The following AFF3 variants were observed in gnomAD, a reference collection of about 807,000 sequenced individuals.
The protein encoded by AFF3 is ALF transcription elongation factor 3.
In AFF3, 32 loss-of-function variants were observed where a neutral mutation model predicts 129.7. That is an observed-to-expected ratio of 0.25 (90% CI 0.19 to 0.33). The LOEUF is 0.33. Among genes scored for constraint, AFF3 ranks in the 10% least tolerant of loss-of-function variants. AFF3 has a pLI of 1.00. For synonymous variants in AFF3, 644 were observed against 635.4 expected (o/e 1.01, Z -0.20); for missense variants, 1,373 against 1,592.0 (o/e 0.86, Z 2.34).
At chr2:100,034,140 T>C (rs1684727697) in intron 4 of AFF3, among the ~76,000 whole-genome samples, 1 of 152,210 alleles carries the variant, frequency 6.6e-6, no homozygotes, top group Non-Finnish European at 1.5e-5. Context: ...GACAAAAGGA[T>C]TGCTCTATTT....
chr2:99,551,144 TGA>T lies in AFF3; in HGVS notation c.*328_*329del, dbSNP rs1233846787. 9.1e-6 allele frequency: 4 copies of T among 439,040 alleles called. No homozygotes were observed. Among genetic ancestry groups the T allele is most frequent in the East Asian group, 3.1e-5 (1 of 32,424 alleles). 27.2% of individuals were successfully genotyped at this position (439,040 alleles called of 1,614,324 possible). On this transcript the variant is annotated 3_prime_UTR_variant, in exon 25 of 25. Transcript: ENST00000672756. ...GAAAGTGTGTGTCTGTGATTGTGTG[TGA>T]GTGTACGGTGTGTGTGTGTGTGTGT...
intron 17 of AFF3, among the ~76,000 whole-genome samples, chr2:99,579,301 A>G (rs995752322): frequency 1.3e-5 from 2 of 151,988 alleles, no homozygotes; most frequent in Non-Finnish European, 2.9e-5. Flanking sequence ...GCTACTCGGG[A>G]GGCTGAGGCA....
At chr2:99,658,446 G>A (rs1558710079) in intron 12 of AFF3, among the ~76,000 whole-genome samples, 1 of 152,072 alleles carries the variant, frequency 6.6e-6, no homozygotes, top group African/African-American at 2.4e-5. Flanking sequence ...CCAGATTCTC[G>A]GGGCAACTCA....
chr2:99,577,602 G>A (rs758964984), intron 18 of AFF3, among the ~76,000 whole-genome samples: 5 of 152,238 alleles, frequency 3.3e-5, no homozygotes, highest in South Asian at 2.1e-4. Flanking sequence ...TTTGACGCCC[G>A]TAGGACTGCT....
chr2:99,996,279 C>T (rs1398286962), intron 7 of AFF3, among the ~76,000 whole-genome samples: 1 of 151,990 alleles, frequency 6.6e-6, no homozygotes, highest in Non-Finnish European at 1.5e-5. Context: ...AGCTTTAATC[C>T]CAATTTAATC....
intron 7 of AFF3, among the ~76,000 whole-genome samples, chr2:99,920,022 T>C (rs1057510646): frequency 2.0e-5 from 3 of 152,050 alleles, no homozygotes; most frequent in Admixed American, 6.6e-5. Context: ...CACAGAAAGA[T>C]ATAGAAAATC....
intron 10 of AFF3, among the ~76,000 whole-genome samples, chr2:99,740,127 A>G (rs1264442157): frequency 1.3e-5 from 2 of 151,524 alleles, no homozygotes; most frequent in Admixed American, 1.3e-4. Flanking sequence ...CTATGTCCCT[A>G]CAAAGGACGT....
chr2:99,686,776 G>C (rs1487107814), intron 11 of AFF3, among the ~76,000 whole-genome samples: 4 of 152,162 alleles, frequency 2.6e-5, no homozygotes, highest in Non-Finnish European at 5.9e-5. Context: ...TCCTGACTGA[G>C]AACCCTGGTG....
At chr2:99,556,513 C>G (rs918028551) in intron 22 of AFF3, among the ~76,000 whole-genome samples, 5 of 152,172 alleles carry the variant, frequency 3.3e-5, no homozygotes, top group Admixed American at 3.3e-4. Flanking sequence ...CAAGAAATAC[C>G]GGTAGGAACA....
intron 4 of AFF3, among the ~76,000 whole-genome samples, chr2:100,094,555 C>T (rs1387940978): frequency 1.3e-5 from 2 of 151,936 alleles, no homozygotes; most frequent in African/African-American, 4.8e-5. Flanking sequence ...TCGCCATCCA[C>T]TCACCTCCCA....
intron 11 of AFF3, among the ~76,000 whole-genome samples, chr2:99,677,141 G>A (rs1205909208): frequency 6.6e-6 from 1 of 151,746 alleles, no homozygotes; most frequent in Non-Finnish European, 1.5e-5. Context: ...ATGGTGGTAT[G>A]GACCTGTAAA....
At chr2:99,786,161 G>C (rs1684775002) in intron 8 of AFF3, among the ~76,000 whole-genome samples, 1 of 152,230 alleles carries the variant, frequency 6.6e-6, no homozygotes. Context: ...GGATGGTAGG[G>C]AGATGAAGGG....
chr2:99,965,122 A>G (rs961786409), intron 7 of AFF3, among the ~76,000 whole-genome samples: 8 of 152,248 alleles, frequency 5.3e-5, no homozygotes, highest in African/African-American at 1.9e-4. Context: ...ACCACGCGAA[A>G]TGAACAGAAG....
intron 7 of AFF3, among the ~76,000 whole-genome samples, chr2:99,954,666 C>T (rs902880072): frequency 2.0e-5 from 3 of 147,544 alleles, no homozygotes; most frequent in African/African-American, 7.5e-5. Flanking sequence ...ATCGCAAGAA[C>T]AAAAAACCAA....
chr2:99,598,760 C>G (rs182159699), intron 14 of AFF3, among the ~76,000 whole-genome samples: 1 of 152,198 alleles, frequency 6.6e-6, no homozygotes, highest in Non-Finnish European at 1.5e-5. Flanking sequence ...AGGAGTCTTA[C>G]AGCTCTCTGT....
chr2:99,876,265 C>T (rs1382632963), intron 7 of AFF3, among the ~76,000 whole-genome samples: 1 of 152,170 alleles, frequency 6.6e-6, no homozygotes. Flanking sequence ...TACCTTTATC[C>T]AACCGCCTAG....
At chr2:99,824,495 A>G (rs934554583) in intron 8 of AFF3, among the ~76,000 whole-genome samples, 1 of 152,218 alleles carries the variant, frequency 6.6e-6, no homozygotes, top group African/African-American at 2.4e-5. Flanking sequence ...CACTAAAATA[A>G]AAACTTACTA....
intron 4 of AFF3, among the ~76,000 whole-genome samples, chr2:100,048,941 T>G (rs1355490488): frequency 1.3e-5 from 2 of 152,184 alleles, no homozygotes; most frequent in African/African-American, 4.8e-5. Flanking sequence ...TTCGGTTTTT[T>G]AAAATAAAAA....
At chr2:99,777,947 CAA>C (rs576434643) in intron 8 of AFF3, among the ~76,000 whole-genome samples, 2,575 of 48,378 alleles carry the variant, frequency 0.053, 79 homozygotes, top group African/African-American at 0.18. Context: ...AAAGCAAAAG[CAA>C]AAAAAAAAAA....
Sources: gnomAD v4.1 joint callset for allele counts (sites outside exome capture counted in the v4.1 genomes callset) on GRCh38, gnomAD v4.1.1 for gene constraint, MANE v1.5 for transcripts, NCBI Gene and HGNC (gene_info 2026-07-23, HGNC 2026-07-21) for gene names.